Variants in RPLP0 observed in about 807,000 individuals in gnomAD.
RPLP0 encodes the protein large ribosomal subunit protein uL10.
For missense variants in RPLP0, 276 were observed against 402.9 expected (o/e 0.69, Z 2.70); for synonymous variants, 137 against 153.4 (o/e 0.89, Z 0.79).
Position 120,197,480 on chromosome 12 carries a change from T to C in RPLP0, c.652-18A>G, listed in dbSNP as rs759494840. ...CGGACACCCTGGGGGAGGGAAGATT[T>C]CATTTTACGTGAGATTCCCTACAGG... On this transcript the variant is annotated intron_variant, in intron 6 of 7. Coordinates refer to ENST00000392514, the MANE Select transcript of RPLP0 (RefSeq NM_001002.4). 1.2e-6 allele frequency: 2 copies of C among 1,612,614 alleles called. No homozygotes were observed. Among genetic ancestry groups the C allele is most frequent in the South Asian group, 2.2e-5 (2 of 90,838 alleles).
In RPLP0 at chr12:120,198,420, A is replaced by T; in HGVS notation, c.651+134T>A. On this transcript the variant is annotated intron_variant, in intron 6 of 7. Transcript: ENST00000392514. The surrounding 1 kb of genome is among the most constrained non-coding windows in gnomAD (Gnocchi z 4.1). ...AAAAAAAAAATCCTTCAACAATCTTATGTTGTTACTGACATTTTACAGATG... is the reference window on the plus strand; with the variant it reads ...AAAAAAAAAATCCTTCAACAATCTTTTGTTGTTACTGACATTTTACAGATG... The T allele has an allele frequency of 1.1e-6, 1 of 891,750 alleles. No individual in the cohort carries two copies. The highest frequency in any genetic ancestry group is 1.7e-6 in the Non-Finnish European group (1 of 583,572). The allele number at this position is 891,750 out of a possible 1,614,324, so 55.2% of individuals were successfully genotyped here.
At chr12:120,197,004 G>C in intron 7 of RPLP0, 70 bp from the exon 8 acceptor site, 1 of 1,599,650 alleles carries the variant, frequency 6.3e-7, no homozygotes, top group Non-Finnish European at 8.5e-7. Context: ...CTCCTGCCTT[G>C]GTAGAGTTTA....
rs1028040828 is a variant in RPLP0, at chr12:120,198,246, G to T, written c.651+308C>A. ...AAAAATACAAAAAAATTAGCCGGGCGTAGTGGCGGGTGCCTGTAGTCCCAG... is the reference window on the plus strand; with the variant it reads ...AAAAATACAAAAAAATTAGCCGGGCTTAGTGGCGGGTGCCTGTAGTCCCAG... On this transcript the variant is annotated intron_variant, in intron 6 of 7. Transcript: ENST00000392514. The surrounding 1 kb of genome is among the most constrained non-coding windows in gnomAD (Gnocchi z 4.1). The T allele has an allele frequency of 2.3e-5, 7 of 307,522 alleles. No individual in the cohort carries two copies. The Admixed American group carries it at 2.3e-4, about 10-fold the overall frequency. 19.0% of individuals were successfully genotyped at this position (307,522 alleles called of 1,614,324 possible).
chr12:120,200,822 G>A lies in RPLP0; in HGVS notation c.-39C>T. 2 of 1,603,182 alleles carry A rather than the reference G, an allele frequency of 1.2e-6. No homozygotes were observed. The highest frequency in any genetic ancestry group is 1.7e-6 in the Non-Finnish European group (2 of 1,175,764). On this transcript the variant is annotated 5_prime_UTR_variant, in exon 2 of 8. Transcript: ENST00000392514. Reference sequence around the variant, plus strand: ...CAGGGATTGCCACGCAGGGTTTAAAGACGATGTCACTGAGGAGAGACAGGG... The same window carrying A: ...CAGGGATTGCCACGCAGGGTTTAAAAACGATGTCACTGAGGAGAGACAGGG...
Position 120,201,110 on chromosome 12 carries a change from G to A in RPLP0, c.-76C>T, listed in dbSNP as rs1031556411. On this transcript the variant is annotated 5_prime_UTR_variant, in exon 1 of 8. Coordinates refer to ENST00000392514, the MANE Select transcript of RPLP0 (RefSeq NM_001002.4). ...TCCACGAGGACGCCTGGCGAGAGAA[G>A]GGCCTCGCGCCCGCGCGTGCCTTTT... is the stretch of plus-strand genomic sequence containing the variant. 3.0e-5 allele frequency: 10 copies of A among 335,124 alleles called. No homozygotes were observed. Among genetic ancestry groups the A allele is most frequent in the Middle Eastern group, 8.0e-4 (1 of 1,244 alleles). The allele number at this position is 335,124 out of a possible 1,614,324, so 20.8% of individuals were successfully genotyped here.
Position 120,198,733 on chromosome 12 carries a change from C to T in RPLP0, c.472G>A (p.Val158Met). Residue 158 changes from valine to methionine, a missense_variant, in exon 6 of 8, where the codon GTG becomes ATG. Physicochemically the swap from Val to Met is conservative, Grantham distance 21. Coordinates refer to ENST00000392514, the MANE Select transcript of RPLP0 (RefSeq NM_001002.4). This position sits in a 1 kb window ranked among gnomAD's most constrained non-coding sequence, Gnocchi z 4.1. The part of the protein sequence containing the change: ...SRGTIEILSD[V>M]QLIKTGDKVG... ...TTGTCTCCAGTCTTGATCAGCTGCA[C>T]ATCACTCTGAACCAGATAATAGTGG... The T allele has an allele frequency of 6.2e-7, 1 of 1,613,876 alleles. No homozygotes were observed. Among genetic ancestry groups the T allele is most frequent in the Non-Finnish European group, 8.5e-7 (1 of 1,179,744 alleles).
chr12:120,196,807 G>A lies in RPLP0; in HGVS notation c.920C>T (p.Ser307Leu), dbSNP rs766613943. 1.4e-5 allele frequency: 23 copies of A among 1,592,890 alleles called. No homozygotes were observed. Among genetic ancestry groups the A allele is most frequent in the African/African-American group, 4.0e-5 (3 of 74,504 alleles). Residue 307 changes from serine (S) to leucine (L), a missense_variant, in exon 8 of 8, where the codon TCG becomes TTG. Transcript: ENST00000392514. Reference sequence around the variant, plus strand: ...GAGACCAAATCCCATATCCTCGTCCGACTCCTCCGACTCTTCCTTGGCTTC... The same window carrying A: ...GAGACCAAATCCCATATCCTCGTCCAACTCCTCCGACTCTTCCTTGGCTTC... ...KVEAKEESEE[S>L]DEDMGFGLFD
At chr12:120,199,036 C>T (rs756162706) in intron 4 of RPLP0, 36 bp from the exon 5 acceptor site, 1 of 1,613,722 alleles carries the variant, frequency 6.2e-7, no homozygotes, top group East Asian at 2.2e-5. Context: ...AAAGCCTCTC[C>T]ACTCACACAA....
rs778898134 is a variant in RPLP0 at position 120,198,171 on chromosome 12, G to T, written c.651+383C>A. Among the ~76,000 whole-genome samples, 1 of 151,878 alleles carries T rather than the reference G, an allele frequency of 6.6e-6. No individual in the cohort carries two copies. Among genetic ancestry groups the T allele is most frequent in the Non-Finnish European group, 1.5e-5 (1 of 67,928 alleles). On this transcript the variant is annotated intron_variant, in intron 6 of 7. Transcript: ENST00000392514. This position sits in a 1 kb window ranked among gnomAD's most constrained non-coding sequence, Gnocchi z 4.1. ...GCACTTTGGGAGGCCGAGTTGGGCG[G>T]ATCACGAGGTCAGGAGATCGACACC...
In RPLP0 at chr12:120,198,438, T is replaced by A. The variant is rs1879270927; in HGVS notation, c.651+116A>T. ...CAATCTTATGTTGTTACTGACATTT[T>A]ACAGATGAGGTAGGTAGACAGATGA... On this transcript the variant is annotated intron_variant, in intron 6 of 7. Coordinates refer to ENST00000392514, the MANE Select transcript of RPLP0 (RefSeq NM_001002.4). This position sits in a 1 kb window ranked among gnomAD's most constrained non-coding sequence, Gnocchi z 4.1. 9.1e-7 allele frequency: 1 copy of A among 1,104,490 alleles called. No homozygotes were observed. Among genetic ancestry groups the A allele is most frequent in the Non-Finnish European group, 1.3e-6 (1 of 753,570 alleles). The allele number at this position is 1,104,490 out of a possible 1,614,324, so 68.4% of individuals were successfully genotyped here. A position where few individuals can be genotyped will look rare whatever the true frequency, so the allele number is the denominator to read the frequency against.
At chr12:120,200,910 G>A in intron 1 of RPLP0, 79 bp from the exon 2 acceptor site, 3 of 1,443,832 alleles carry the variant, frequency 2.1e-6, no homozygotes, top group East Asian at 2.5e-5. Flanking sequence ...AGCAGGACAC[G>A]CGCAATCGCC....
Position 120,198,261 on chromosome 12 carries a change from T to C in RPLP0, c.651+293A>G. On this transcript the variant is annotated intron_variant, in intron 6 of 7. Transcript: ENST00000392514. The surrounding 1 kb of genome is among the most constrained non-coding windows in gnomAD (Gnocchi z 4.1). ...TTAGCCGGGCGTAGTGGCGGGTGCC[T>C]GTAGTCCCAGCTACTCAGGAGGCTG... 3 of 326,014 alleles carry C rather than the reference T, an allele frequency of 9.2e-6. No individual in the cohort carries two copies. The highest frequency in any genetic ancestry group is 4.5e-5 in the Admixed American group (1 of 22,422). The allele number at this position is 326,014 out of a possible 1,614,324, so 20.2% of individuals were successfully genotyped here.
intron 6 of RPLP0, 113 bp from the exon 7 acceptor site, chr12:120,197,575 G>C: frequency 7.8e-7 from 1 of 1,276,460 alleles, no homozygotes. Flanking sequence ...TGGCAGCTCA[G>C]TCTCAAGAGA....
At position 120,198,402 on chromosome 12, in the gene RPLP0, A is replaced by AGC; in HGVS notation, c.651+151_651+152insGC. ...CTCTGTCTCCAAAAAAAAAAAAAAA[A>AGC]AATCCTTCAACAATCTTATGTTGTT... is the stretch of plus-strand genomic sequence containing the variant. On this transcript the variant is annotated intron_variant, in intron 6 of 7. Transcript: ENST00000392514. This position sits in a 1 kb window ranked among gnomAD's most constrained non-coding sequence, Gnocchi z 4.1. 1.2e-6 allele frequency: 1 copy of AGC among 821,304 alleles called. No homozygotes were observed. Among genetic ancestry groups the AGC allele is most frequent in the East Asian group, 2.9e-5 (1 of 35,034 alleles). The allele number at this position is 821,304 out of a possible 1,614,324, so 50.9% of individuals were successfully genotyped here. A position where few individuals can be genotyped will look rare whatever the true frequency, so the allele number is the denominator to read the frequency against.
At position 120,197,146 on chromosome 12, in the gene RPLP0, C is replaced by A. The variant is rs1879213309; in HGVS notation, c.792+176G>T. On this transcript the variant is annotated intron_variant, in intron 7 of 7. Coordinates refer to ENST00000392514, the MANE Select transcript of RPLP0 (RefSeq NM_001002.4). ...TTGCCCATTAACCCCCTCTTTGGGT[C>A]TCTTGTCATTTCTCAAGTGAGAAAC... 2.9e-6 allele frequency: 3 copies of A among 1,027,360 alleles called. No homozygotes were observed. In the African/African-American group the frequency reaches 4.8e-5, roughly 16 times the overall value. 63.6% of individuals were successfully genotyped at this position (1,027,360 alleles called of 1,614,324 possible).
intron 2 of RPLP0, 103 bp downstream of exon 2, chr12:120,200,627 A>AATTC: frequency 7.7e-7 from 1 of 1,303,172 alleles, no homozygotes; most frequent in Non-Finnish European, 1.1e-6. Flanking sequence ...AAAATGGCCT[A>AATTC]ATTCAGTAGC....
At position 120,199,405 on chromosome 12, in the gene RPLP0, C is replaced by G. The variant is rs768808646; in HGVS notation, c.135G>C (p.Met45Ile). The G allele has an allele frequency of 4.2e-5, 67 of 1,614,164 alleles. No individual in the cohort carries two copies. The highest frequency in any genetic ancestry group is 5.3e-5 in the Non-Finnish European group (63 of 1,180,032). The change falls in exon 3 of 8, where the codon ATG (methionine) becomes ATC (isoleucine). Residue 45 changes from methionine (M) to isoleucine (I), a missense_variant. By Grantham distance (10) the Met-to-Ile change is conservative. Transcript: ENST00000392514. Reference protein sequence around the residue: ...VGSKQMQQIRMSLRGKAVVLM... With the variant: ...VGSKQMQQIRISLRGKAVVLM... ...GCACCACAGCCTTCCCGCGAAGGGACATGCGGATCTGCTGCATCTGCTTGG... is the reference window on the plus strand; with the variant it reads ...GCACCACAGCCTTCCCGCGAAGGGAGATGCGGATCTGCTGCATCTGCTTGG...
chr12:120,199,752 A>G lies in RPLP0; in HGVS notation c.55-267T>C, dbSNP rs537826663. Reference sequence around the variant, plus strand: ...TTTTAATTTTTCCCAATTACCAGGCATGCTTCTGATTCACTAAAATGGTTA... The same window carrying G: ...TTTTAATTTTTCCCAATTACCAGGCGTGCTTCTGATTCACTAAAATGGTTA... On this transcript the variant is annotated intron_variant, in intron 2 of 7. Coordinates refer to ENST00000392514, the MANE Select transcript of RPLP0 (RefSeq NM_001002.4). The G allele has an allele frequency of 1.3e-4, 54 of 424,950 alleles. 2 individuals are homozygous for G. Among genetic ancestry groups the G allele is most frequent in the South Asian group, 1.2e-3 (50 of 43,298 alleles). 26.3% of individuals were successfully genotyped at this position (424,950 alleles called of 1,614,324 possible). A position where few individuals can be genotyped will look rare whatever the true frequency, so the allele number is the denominator to read the frequency against.
In RPLP0 at chr12:120,199,130, C is replaced by G. The variant is rs763310537; in HGVS notation, c.306G>C (p.Leu102Phe). 2 of 1,613,614 alleles carry G rather than the reference C, an allele frequency of 1.2e-6. No individual in the cohort carries two copies. Among genetic ancestry groups the G allele is most frequent in the Non-Finnish European group, 1.7e-6 (2 of 1,179,494 alleles). The part of the protein sequence containing the change: ...KEDLTEIRDM[L>F]LANKVPAAAR... The stretch of plus-strand genomic sequence containing the variant: ...ATTGTCCCCTTACCTTATTGGCCAG[C>G]AACATGTCCCTGATCTCAGTGAGGT... The change falls in exon 4 of 8, where the codon TTG (leucine) becomes TTC (phenylalanine). Residue 102 changes from leucine (L) to phenylalanine (F), a missense_variant. Coordinates refer to ENST00000392514, the MANE Select transcript of RPLP0 (RefSeq NM_001002.4).
Sources: allele counts gnomAD v4.1 joint callset (sites outside exome capture counted in the v4.1 genomes callset), GRCh38; gene constraint gnomAD v4.1.1; non-coding constraint Gnocchi (gnomAD v3.1); transcripts MANE v1.5; gene names NCBI Gene and HGNC (gene_info 2026-07-23, HGNC 2026-07-21).